The following C12orf42 variants were observed in gnomAD, a reference collection of about 807,000 sequenced individuals.
C12orf42 encodes uncharacterized protein C12orf42.
Under a neutral mutation model 21.6 loss-of-function variants are expected in C12orf42, and 25 were observed. That is an observed-to-expected ratio of 1.16 (90% CI 0.84 to 1.62). The LOEUF is 1.62. C12orf42 is among the 40% of genes most tolerant of loss of function. The pLI is 0.00. For missense variants in C12orf42, 483 were observed against 459.3 expected (o/e 1.05, Z -0.47); for synonymous variants, 174 against 175.0 (o/e 0.99, Z 0.05).
chr12:103,425,690 A>G (rs969054760), intron 2 of C12orf42, among the ~76,000 whole-genome samples: 4 of 152,138 alleles, frequency 2.6e-5, no homozygotes, highest in Non-Finnish European at 4.4e-5. Context: ...AAAGGCTGTG[A>G]GCTACGCCCA....
chr12:103,062,362 A>T, the C12orf42 span, among the ~76,000 whole-genome samples: 2 of 151,894 alleles, frequency 1.3e-5, no homozygotes, highest in African/African-American at 4.8e-5. Context: ...TTGTTTGCTT[A>T]GTCATATGTG....
At chr12:103,120,134 T>C in the C12orf42 span, among the ~76,000 whole-genome samples, 509 of 152,358 alleles carry the variant, frequency 3.3e-3, 1 homozygote, top group South Asian at 0.017. Context: ...GTGAGCACTG[T>C]ATTCTGCATA....
chr12:103,557,463 C>T, the C12orf42 span: 4 of 152,220 alleles, frequency 2.6e-5, no homozygotes, highest in African/African-American at 9.6e-5. Context: ...CAGTTGCTAA[C>T]ATCTGCACGT....
At chr12:103,071,794 G>T in the C12orf42 span, among the ~76,000 whole-genome samples, 1 of 152,212 alleles carries the variant, frequency 6.6e-6, no homozygotes, top group African/African-American at 2.4e-5. Flanking sequence ...ACTCAGTCTT[G>T]ACTATGTCTT....
chr12:103,350,715 C>T (rs2043034975), intron 4 of C12orf42, among the ~76,000 whole-genome samples: 1 of 152,128 alleles, frequency 6.6e-6, no homozygotes, highest in African/African-American at 2.4e-5. Flanking sequence ...TCTGCAGGAA[C>T]CTCAACAATG....
At chr12:103,412,617 C>A (rs2048948049) in intron 2 of C12orf42, among the ~76,000 whole-genome samples, 1 of 152,218 alleles carries the variant, frequency 6.6e-6, no homozygotes, top group Admixed American at 6.5e-5. Context: ...TGGCTTACTA[C>A]AACTTACTGC....
At chr12:103,484,084 C>A (rs1954658982) in intron 1 of C12orf42, among the ~76,000 whole-genome samples, 1 of 152,074 alleles carries the variant, frequency 6.6e-6, no homozygotes, top group African/African-American at 2.4e-5. Context: ...AGGTTGGTTC[C>A]AAGTCTTTGC....
intron 4 of C12orf42, among the ~76,000 whole-genome samples, chr12:103,282,520 TATATC>T (rs1023955517): frequency 6.6e-6 from 1 of 152,180 alleles, no homozygotes; most frequent in African/African-American, 2.4e-5. Context: ...AGCAATAGGA[TATATC>T]ATATAGCCTA....
the C12orf42 span, among the ~76,000 whole-genome samples, chr12:103,514,062 C>A: frequency 3.5e-4 from 53 of 152,238 alleles, no homozygotes; most frequent in African/African-American, 1.3e-3. Context: ...GGATACTTAA[C>A]AATCACGGCA....
intron 4 of C12orf42, among the ~76,000 whole-genome samples, chr12:103,338,334 C>T (rs1429345445): frequency 6.6e-6 from 1 of 152,184 alleles, no homozygotes; most frequent in Non-Finnish European, 1.5e-5. Context: ...AAGAAACAGA[C>T]TCATGTTTTC....
chr12:103,096,542 T>A, the C12orf42 span, among the ~76,000 whole-genome samples: 3 of 152,324 alleles, frequency 2.0e-5, no homozygotes, highest in East Asian at 5.8e-4. Flanking sequence ...TTTATTGATT[T>A]CAGTTACAAT....
At chr12:103,447,154 A>G (rs1429307964) in intron 2 of C12orf42, among the ~76,000 whole-genome samples, 2 of 151,932 alleles carry the variant, frequency 1.3e-5, no homozygotes, top group Non-Finnish European at 1.5e-5. Flanking sequence ...AAAATTATAT[A>G]GAGTACTCTC....
At chr12:103,267,643 A>G (rs2035236244), downstream of C12orf42, 1 of 152,210 alleles carries the variant, frequency 6.6e-6, no homozygotes, top group Admixed American at 6.5e-5. Context: ...CTTGATACCC[A>G]GAACAGCCCC....
chr12:103,407,137 G>T (rs2048481232), intron 2 of C12orf42, among the ~76,000 whole-genome samples: 1 of 152,090 alleles, frequency 6.6e-6, no homozygotes, highest in African/African-American at 2.4e-5. Context: ...AGCCTTCCTA[G>T]TCATAAAGCC....
chr12:103,387,569 T>A (rs536723889), intron 3 of C12orf42, among the ~76,000 whole-genome samples: 1 of 152,358 alleles, frequency 6.6e-6, no homozygotes, highest in South Asian at 2.1e-4. Context: ...CAAGCCAACA[T>A]CCCTCTTGTC....
intron 2 of C12orf42, among the ~76,000 whole-genome samples, chr12:103,415,412 A>G (rs2049225719): frequency 6.6e-6 from 1 of 152,092 alleles, no homozygotes; most frequent in African/African-American, 2.4e-5. Context: ...AAACTCAACA[A>G]TTGACTAACG....
rs146438671 is a variant in C12orf42 at position 103,351,858 on chromosome 12, A to G, written c.259+17029T>C. Among the ~76,000 whole-genome samples, 83 of 152,280 alleles carry G rather than the reference A, an allele frequency of 5.5e-4. No individual in the cohort carries two copies. The East Asian group carries it at 0.015, about 28-fold the overall frequency. ...TGAGGAAATACTGAAGAAGGTTTAG[A>G]TTCACAAGACACAACAAATTCCTTA... On this transcript the variant is annotated intron_variant, in intron 4 of 5. Transcript: ENST00000548883.
chr12:103,313,763 C>T (rs1179737919), intron 4 of C12orf42, among the ~76,000 whole-genome samples: 2 of 152,152 alleles, frequency 1.3e-5, no homozygotes, highest in Non-Finnish European at 2.9e-5. Context: ...GTGGCAAGGA[C>T]TCAAGTAGAA....
chr12:103,133,379 C>A, the C12orf42 span, among the ~76,000 whole-genome samples: 1 of 152,156 alleles, frequency 6.6e-6, no homozygotes, highest in Non-Finnish European at 1.5e-5. Context: ...CCTAAGCAAG[C>A]TGCCAGGAGC....
Sources: gnomAD v4.1 joint callset for allele counts (sites outside exome capture counted in the v4.1 genomes callset) on GRCh38, gnomAD v4.1.1 for gene constraint, MANE v1.5 for transcripts, NCBI Gene and HGNC (gene_info 2026-07-23, HGNC 2026-07-21) for gene names.